Variants in MAL2 observed in about 807,000 individuals in gnomAD.
The protein encoded by MAL2 is protein MAL2.
In MAL2, 17 loss-of-function variants were observed where a neutral mutation model predicts 18.1. That is an observed-to-expected ratio of 0.94 (90% CI 0.64 to 1.41). MAL2 has a LOEUF of 1.41. Among genes scored for constraint, MAL2 ranks in the 40% most tolerant of loss-of-function variants. The pLI is 0.00. For synonymous variants in MAL2, 102 were observed against 102.3 expected (o/e 1.00, Z 0.02); for missense variants, 222 against 231.9 (o/e 0.96, Z 0.28).
intron 2 of MAL2, among the ~76,000 whole-genome samples, chr8:119,239,719 A>G (rs545261548): frequency 1.3e-5 from 2 of 148,998 alleles, no homozygotes; most frequent in Admixed American, 6.6e-5. Context: ...GAATTGAACA[A>G]TGAGAACACA....
At chr8:119,230,255 A>T (rs1014093260) in intron 2 of MAL2, among the ~76,000 whole-genome samples, 1 of 152,236 alleles carries the variant, frequency 6.6e-6, no homozygotes, top group Non-Finnish European at 1.5e-5. Flanking sequence ...CCAAGAGTAT[A>T]TATGACCCTG....
intron 1 of MAL2, among the ~76,000 whole-genome samples, chr8:119,217,132 GTCTTCACATCA>G (rs1817370002): frequency 1.3e-5 from 2 of 152,190 alleles, no homozygotes; most frequent in Non-Finnish European, 2.9e-5. Flanking sequence ...GTGAAAACAT[GTCTTCACATCA>G]AACCCTGAGG....
chr8:119,227,217 AAAC>A (rs1817614668), intron 2 of MAL2, among the ~76,000 whole-genome samples: 1 of 152,340 alleles, frequency 6.6e-6, no homozygotes, highest in Non-Finnish European at 1.5e-5. Context: ...TAGCATGCCA[AAAC>A]AACATATGTG....
At chr8:119,210,499 C>T (rs904119292) in intron 1 of MAL2, among the ~76,000 whole-genome samples, 2 of 151,820 alleles carry the variant, frequency 1.3e-5, no homozygotes, top group Admixed American at 6.6e-5. Context: ...TTTAAAATAA[C>T]TGTTACCAGC....
At chr8:119,211,943 T>C (rs1464562825) in intron 1 of MAL2, among the ~76,000 whole-genome samples, 2 of 152,154 alleles carry the variant, frequency 1.3e-5, no homozygotes, top group Non-Finnish European at 2.9e-5. Context: ...ACTCATCGGG[T>C]ATTTACTGAA....
At chr8:119,218,130 C>G (rs756643634) in intron 1 of MAL2, among the ~76,000 whole-genome samples, 2 of 152,016 alleles carry the variant, frequency 1.3e-5, no homozygotes, top group Non-Finnish European at 2.9e-5. Context: ...GTTCTCTGGC[C>G]CATCCTCTCT....
intron 2 of MAL2, among the ~76,000 whole-genome samples, chr8:119,229,596 G>A (rs1249163295): frequency 6.6e-6 from 1 of 152,118 alleles, no homozygotes. Context: ...ACAGACACGA[G>A]CCACTGCACC....
In MAL2 at chr8:119,243,644, G is replaced by A; in HGVS notation, c.*156G>A. Reference sequence around the variant, plus strand: ...AGCTCAAGTTCTGGTTTATTTCATGGATGGAATGTTAATTTTATTATGATA... The same window carrying A: ...AGCTCAAGTTCTGGTTTATTTCATGAATGGAATGTTAATTTTATTATGATA... On this transcript the variant is annotated 3_prime_UTR_variant, in exon 4 of 4. Transcript: ENST00000614891. 2.1e-6 allele frequency: 1 copy of A among 470,982 alleles called. No homozygotes were observed. Among genetic ancestry groups the A allele is most frequent in the East Asian group, 3.5e-5 (1 of 28,348 alleles). 29.2% of individuals were successfully genotyped at this position (470,982 alleles called of 1,614,324 possible).
chr8:119,240,524 G>A (rs909629203), intron 3 of MAL2, among the ~76,000 whole-genome samples: 2 of 152,206 alleles, frequency 1.3e-5, no homozygotes, highest in Non-Finnish European at 2.9e-5. Context: ...ACTGTAGCAC[G>A]AAGAGGTTGA....
At chr8:119,238,328 TATC>T (rs764552801) in intron 2 of MAL2, among the ~76,000 whole-genome samples, 9 of 152,086 alleles carry the variant, frequency 5.9e-5, no homozygotes, top group African/African-American at 1.7e-4. Context: ...GAAGAACCAA[TATC>T]ATGAAAATGG....
rs1376303308 is a variant in MAL2, at chr8:119,244,341, GA to G, written c.*858del. 5 of 152,180 alleles carry G rather than the reference GA, an allele frequency of 3.3e-5. No homozygotes were observed. In the East Asian group the frequency reaches 9.7e-4, roughly 29 times the overall value. 9.4% of individuals were successfully genotyped at this position (152,180 alleles called of 1,614,324 possible). ...TTCTCAGGCAGAGTCCTGGATATAG[GA>G]AAAAGTAATTTATGAAGTAAACTTC... is the stretch of plus-strand genomic sequence containing the variant. On this transcript the variant is annotated 3_prime_UTR_variant, in exon 4 of 4. Transcript: ENST00000614891.
chr8:119,227,906 T>G (rs1434684646), intron 2 of MAL2, among the ~76,000 whole-genome samples: 1 of 152,204 alleles, frequency 6.6e-6, no homozygotes, highest in African/African-American at 2.4e-5. Flanking sequence ...TCTGGTGGTC[T>G]CAGTGGTTTC....
intron 2 of MAL2, among the ~76,000 whole-genome samples, chr8:119,237,427 A>G (rs2129904336): frequency 6.6e-6 from 1 of 151,756 alleles, no homozygotes; most frequent in African/African-American, 2.4e-5. Flanking sequence ...AATCCTCCCT[A>G]ACTCATTTTA....
intron 2 of MAL2, among the ~76,000 whole-genome samples, chr8:119,239,422 TG>T (rs1817995196): frequency 6.6e-6 from 1 of 150,832 alleles, no homozygotes; most frequent in African/African-American, 2.5e-5. Flanking sequence ...ATCCCATTAC[TG>T]GGTCCCAAAG....
In MAL2 at chr8:119,245,512, A is replaced by G. The variant is rs1199548494; in HGVS notation, c.*2024A>G. 1 of 152,622 alleles carries G rather than the reference A, an allele frequency of 6.6e-6. No homozygotes were observed. The highest frequency in any genetic ancestry group is 1.5e-5 in the Non-Finnish European group (1 of 68,034). 9.5% of individuals were successfully genotyped at this position (152,622 alleles called of 1,614,324 possible). On this transcript the variant is annotated 3_prime_UTR_variant, in exon 4 of 4. Coordinates refer to ENST00000614891, the MANE Select transcript of MAL2 (RefSeq NM_052886.3). ...AATCACATTCTAGACTTGTGAGTTG[A>G]ATGACAAAGCAGTTGAACAAAAATT...
Position 119,240,219 on chromosome 8 carries a change from G to A in MAL2, c.358G>A (p.Glu120Lys), listed in dbSNP as rs1818018251. ...FVFYFGAFLL[E>K]AAATSLHDLH... ...CTTCTATTTTGGAGCCTTTTTATTG[G>A]AAGCAGCAGCCACATCCCTGCATGA... Residue 120 changes from glutamate to lysine, a missense_variant, in exon 3 of 4, where the codon GAA (glutamate) becomes AAA (lysine). Physicochemically the swap from Glu to Lys is moderately conservative, Grantham distance 56. Transcript: ENST00000614891. The A allele has an allele frequency of 6.2e-7, 1 of 1,613,420 alleles. No individual in the cohort carries two copies. The highest frequency in any genetic ancestry group is 1.1e-5 in the South Asian group (1 of 91,060).
chr8:119,244,848 T>G lies in MAL2; in HGVS notation c.*1360T>G, dbSNP rs1365384209. 1 of 152,590 alleles carries G rather than the reference T, an allele frequency of 6.6e-6. No individual in the cohort carries two copies. Among genetic ancestry groups the G allele is most frequent in the East Asian group, 1.9e-4 (1 of 5,184 alleles). The allele number at this position is 152,590 out of a possible 1,614,324, so 9.5% of individuals were successfully genotyped here. A position where few individuals can be genotyped will look rare whatever the true frequency, so the allele number is the denominator to read the frequency against. On this transcript the variant is annotated 3_prime_UTR_variant, in exon 4 of 4. Transcript: ENST00000614891. The stretch of plus-strand genomic sequence containing the variant: ...CGTCATGGAAAGGTGCCAAACTGTT[T>G]TGAATGGAAGGACAAGTAAGAGTGA...
chr8:119,232,394 A>ATG, intron 2 of MAL2, among the ~76,000 whole-genome samples: 1 of 152,160 alleles, frequency 6.6e-6, no homozygotes, highest in Non-Finnish European at 1.5e-5. Flanking sequence ...TGATGGTTAT[A>ATG]AGGATGAGTA....
Position 119,224,631 on chromosome 8 carries a change from G to T in MAL2, c.303+2874G>T, listed in dbSNP as rs145733958. 2.4e-4 allele frequency among the ~76,000 whole-genome samples: 37 copies of T among 151,998 alleles called. No homozygotes were observed. In the East Asian group the frequency reaches 6.2e-3, roughly 25 times the overall value. ...TAGTGGTGAAATCTGAGATGTTAGT[G>T]TAACAGCCCCCCGAGTAGTATACAT... On this transcript the variant is annotated intron_variant, in intron 2 of 3. Transcript: ENST00000614891.
Sources: gnomAD v4.1 joint callset for allele counts (sites outside exome capture counted in the v4.1 genomes callset) on GRCh38, gnomAD v4.1.1 for gene constraint, MANE v1.5 for transcripts, NCBI Gene and HGNC (gene_info 2026-07-23, HGNC 2026-07-21) for gene names.